LMNB1: variants seen among roughly 807,000 people sequenced by gnomAD.
LMNB1 encodes lamin-B1.
Under a neutral mutation model 67.1 loss-of-function variants are expected in LMNB1, and 23 were observed. The ratio of observed to expected loss-of-function variants is 0.34; its 90% confidence interval spans 0.25 to 0.49. The LOEUF (loss-of-function observed/expected upper bound fraction) is 0.49. Ranked by LOEUF, LMNB1 falls within the 20% of genes least tolerant of loss-of-function variation. The probability of loss-of-function intolerance (pLI) is 0.99; values close to 1 mark genes in which losing one functional copy is unlikely to be tolerated. For missense variants in LMNB1, 634 were observed against 746.5 expected (o/e 0.85, Z 1.76); for synonymous variants, 281 against 282.9 (o/e 0.99, Z 0.07).
At chr5:126,798,643 G>A (rs529582262) in intron 1 of LMNB1, among the ~76,000 whole-genome samples, 30 of 152,080 alleles carry the variant, frequency 2.0e-4, no homozygotes, top group African/African-American at 6.0e-4. Context: ...TTTTCTTCTT[G>A]GAAGAGACAT....
rs70997314 is a variant in LMNB1 at position 126,795,933 on chromosome 5, C to CTTTT, written c.360-8830_360-8827dup. On this transcript the variant is annotated intron_variant, in intron 1 of 10. Transcript: ENST00000261366. ...GAGCCACTGCGCCTGGCCCAGGATG[C>CTTTT]TTTTTTTTTTTTTTTTGAGACGGAG... is the stretch of plus-strand genomic sequence containing the variant. Among the ~76,000 whole-genome samples, 31 of 82,096 alleles carry CTTTT rather than the reference C, an allele frequency of 3.8e-4. 3 individuals carry two copies. Among genetic ancestry groups the CTTTT allele is most frequent in the African/African-American group, 6.3e-4 (14 of 22,170 alleles). 53.9% of individuals were successfully genotyped at this position (82,096 alleles called of 152,430 possible).
At position 126,805,682 on chromosome 5, in the gene LMNB1, A is replaced by G. The variant is rs776382018; in HGVS notation, c.628A>G (p.Ser210Gly). 5 of 1,611,726 alleles carry G rather than the reference A, an allele frequency of 3.1e-6. No homozygotes were observed. In the Admixed American group the frequency reaches 8.4e-5, roughly 27 times the overall value. Residue 210 changes from serine (S) to glycine (G), a missense_variant, in exon 3 of 11, where the codon AGC becomes GGC. Coordinates refer to ENST00000261366, the MANE Select transcript of LMNB1 (RefSeq NM_005573.4). ...TACTGAGGACTTGGAGTTTCGCAAA[A>G]GCATGTATGAAGAGGTAACTATATA... ...SLTEDLEFRK[S>G]MYEEEINETR... is the part of the protein sequence containing the mutation.
At chr5:126,830,083 C>A (rs564602575) in intron 9 of LMNB1, among the ~76,000 whole-genome samples, 4 of 152,330 alleles carry the variant, frequency 2.6e-5, no homozygotes, top group African/African-American at 9.6e-5. Context: ...AAACAATCAT[C>A]TTTCGTCCAC....
chr5:126,781,988 G>T (rs1386262294), intron 1 of LMNB1, among the ~76,000 whole-genome samples: 1 of 152,172 alleles, frequency 6.6e-6, no homozygotes, highest in African/African-American at 2.4e-5. Flanking sequence ...GTAAGGTACA[G>T]TTACTTTGAT....
chr5:126,811,636 A>G (rs888705044), intron 4 of LMNB1, 137 bp from the exon 5 acceptor site: 2 of 677,670 alleles, frequency 3.0e-6, no homozygotes, highest in East Asian at 2.8e-5. Context: ...CATATCAGCA[A>G]ACTTCATGAT....
intron 1 of LMNB1, among the ~76,000 whole-genome samples, chr5:126,783,366 TTAAAATATAAGAGTTATAAAA>T (rs761782781): frequency 3.3e-5 from 5 of 150,368 alleles, no homozygotes; most frequent in Admixed American, 6.6e-5. Flanking sequence ...TTTTTATAAC[TTAAAATATAAGAGTTATAAAA>T]CTAGTTTTCT....
At chr5:126,807,952 A>T (rs925674355) in intron 3 of LMNB1, among the ~76,000 whole-genome samples, 1 of 151,324 alleles carries the variant, frequency 6.6e-6, no homozygotes, top group African/African-American at 2.4e-5. Context: ...GCTCACTGCA[A>T]CCTCCACCTC....
At chr5:126,832,924 G>A (rs180887364) in intron 10 of LMNB1, 123 bp downstream of exon 10, 2 of 560,050 alleles carry the variant, frequency 3.6e-6, no homozygotes, top group East Asian at 6.6e-5. Flanking sequence ...TCTACCAAGT[G>A]GGGTTTGTAC....
chr5:126,834,700 C>A (rs1752210903), intron 10 of LMNB1, among the ~76,000 whole-genome samples: 1 of 152,118 alleles, frequency 6.6e-6, no homozygotes, highest in South Asian at 2.1e-4. Context: ...CACGGTGAAA[C>A]CCCGTCTCTA....
intron 1 of LMNB1, among the ~76,000 whole-genome samples, chr5:126,792,546 A>G (rs1006936413): frequency 6.7e-6 from 1 of 149,000 alleles, no homozygotes; most frequent in African/African-American, 2.5e-5. Flanking sequence ...CACTCAGTGC[A>G]GGGAACAGAA....
Position 126,811,908 on chromosome 5 carries a change from C to G in LMNB1, c.939+10C>G. Reference sequence around the variant, plus strand: ...TAATCTACAGAAAGAGGTAAATAATCATCTTTCTGTAAGAAGTTAGACTTG... The same window carrying G: ...TAATCTACAGAAAGAGGTAAATAATGATCTTTCTGTAAGAAGTTAGACTTG... On this transcript the variant is annotated intron_variant, in intron 5 of 10. Coordinates refer to ENST00000261366, the MANE Select transcript of LMNB1 (RefSeq NM_005573.4). 1 of 1,603,686 alleles carries G rather than the reference C, an allele frequency of 6.2e-7. No individual in the cohort carries two copies. The highest frequency in any genetic ancestry group is 8.5e-7 in the Non-Finnish European group (1 of 1,171,672).
intron 5 of LMNB1, 40 bp from the exon 6 acceptor site, chr5:126,818,882 A>T (rs1410786054): frequency 7.0e-7 from 1 of 1,418,560 alleles, no homozygotes; most frequent in African/African-American, 1.4e-5. Context: ...CTAATGTTGG[A>T]ATGTTCCTAG....
intron 1 of LMNB1, among the ~76,000 whole-genome samples, chr5:126,802,602 C>T (rs544659223): frequency 6.6e-6 from 1 of 152,214 alleles, no homozygotes; most frequent in Non-Finnish European, 1.5e-5. Flanking sequence ...CCCCACCATG[C>T]CCTGCTAATT....
At chr5:126,834,012 C>T (rs1373968314) in intron 10 of LMNB1, among the ~76,000 whole-genome samples, 3 of 152,212 alleles carry the variant, frequency 2.0e-5, no homozygotes, top group Admixed American at 6.5e-5. Context: ...CTGGGCTCAG[C>T]TGGGCAGTGT....
In LMNB1 at chr5:126,777,482, G is replaced by T; in HGVS notation, c.-27G>T. ...TTATCACGGTCCCGCTCGCGGCCTCGCCGCCCCGCTGTCTCCGCCGCCCGC... is the reference window on the plus strand; with the variant it reads ...TTATCACGGTCCCGCTCGCGGCCTCTCCGCCCCGCTGTCTCCGCCGCCCGC... On this transcript the variant is annotated 5_prime_UTR_variant, in exon 1 of 11. Transcript: ENST00000261366. 1.5e-6 allele frequency: 2 copies of T among 1,302,378 alleles called. No homozygotes were observed. Among genetic ancestry groups the T allele is most frequent in the South Asian group, 5.2e-5 (2 of 38,420 alleles). 80.7% of individuals were successfully genotyped at this position (1,302,378 alleles called of 1,614,324 possible). A position where few individuals can be genotyped will look rare whatever the true frequency, so the allele number is the denominator to read the frequency against.
intron 5 of LMNB1, among the ~76,000 whole-genome samples, chr5:126,813,882 CTT>C (rs1751638176): frequency 6.6e-6 from 1 of 152,078 alleles, no homozygotes; most frequent in South Asian, 2.1e-4. Context: ...GTATCACTGT[CTT>C]TGTTTTTCTT....
At position 126,797,554 on chromosome 5, in the gene LMNB1, TC is replaced by T. The variant is rs1229234058; in HGVS notation, c.360-7221del. Among the ~76,000 whole-genome samples, 7 of 152,346 alleles carry T rather than the reference TC, an allele frequency of 4.6e-5. No individual in the cohort carries two copies. In the South Asian group the frequency reaches 1.4e-3, roughly 32 times the overall value. ...GTTTGGAGGCATTGTCAGATGTCAT[TC>T]TGTGCTTAGGTGATAGCTGCAGCAA... On this transcript the variant is annotated intron_variant, in intron 1 of 10. Transcript: ENST00000261366.
At chr5:126,817,138 G>A (rs1410021876) in intron 5 of LMNB1, among the ~76,000 whole-genome samples, 2 of 152,148 alleles carry the variant, frequency 1.3e-5, no homozygotes, top group Non-Finnish European at 2.9e-5. Flanking sequence ...TATACTTTGG[G>A]TTGTAAGCTA....
intron 1 of LMNB1, among the ~76,000 whole-genome samples, chr5:126,779,398 A>G (rs1750565997): frequency 6.6e-6 from 1 of 152,220 alleles, no homozygotes; most frequent in Non-Finnish European, 1.5e-5. Flanking sequence ...CCTTGGTTTC[A>G]TCTTTTAAAA....
Sources: allele counts gnomAD v4.1 joint callset (sites outside exome capture counted in the v4.1 genomes callset), GRCh38; gene constraint gnomAD v4.1.1; transcripts MANE v1.5; gene names NCBI Gene and HGNC (gene_info 2026-07-23, HGNC 2026-07-21).